Variants in SPATS1 observed in about 807,000 individuals in gnomAD.
SPATS1 encodes the protein spermatogenesis-associated serine-rich protein 1.
A neutral mutation model predicts 33.6 loss-of-function variants in SPATS1; 23 were observed. The ratio of observed to expected loss-of-function variants is 0.68; its 90% CI spans 0.49 to 0.97. The LOEUF (loss-of-function observed/expected upper bound fraction) is 0.97. Among genes scored for constraint, SPATS1 ranks in the 50% least tolerant of loss-of-function variants. The pLI, the probability that SPATS1 is intolerant of heterozygous loss-of-function variation, is 0.00. For synonymous variants in SPATS1, 131 were observed against 125.6 expected (o/e 1.04, Z -0.29); for missense variants, 327 against 361.0 (o/e 0.91, Z 0.76).
chr6:44,354,044 A>C (rs1055300529), intron 3 of SPATS1, among the ~76,000 whole-genome samples: 10 of 150,110 alleles, frequency 6.7e-5, no homozygotes, highest in African/African-American at 2.4e-4. Flanking sequence ...CCTCAAAAAA[A>C]AAAAAAAAAC....
chr6:44,360,289 C>T (rs1245765843), intron 3 of SPATS1, among the ~76,000 whole-genome samples, 157 bp from the exon 4 acceptor site: 1 of 152,192 alleles, frequency 6.6e-6, no homozygotes, highest in East Asian at 1.9e-4. Context: ...GTTTCAGTCC[C>T]CTCAAATTAT....
At chr6:44,368,589 G>T in intron 6 of SPATS1, 90 bp downstream of exon 6, 4 of 1,256,854 alleles carry the variant, frequency 3.2e-6, no homozygotes, top group African/African-American at 1.5e-5. Context: ...AAAAGGGATA[G>T]ATGTCAACAA....
chr6:44,350,441 A>C (rs1291887288), intron 2 of SPATS1, among the ~76,000 whole-genome samples: 1 of 152,230 alleles, frequency 6.6e-6, no homozygotes, highest in Non-Finnish European at 1.5e-5. Context: ...ATTCTAATTC[A>C]ATAGGTCTGC....
At chr6:44,347,683 T>A (rs1216411331) in intron 2 of SPATS1, among the ~76,000 whole-genome samples, 1 of 152,248 alleles carries the variant, frequency 6.6e-6, no homozygotes, top group African/African-American at 2.4e-5. Flanking sequence ...TAATTTTATT[T>A]TTATTCCAAA....
intron 2 of SPATS1, among the ~76,000 whole-genome samples, chr6:44,345,904 G>A (rs77481601): frequency 0.03 from 4,496 of 152,220 alleles, 84 homozygotes; most frequent in Non-Finnish European, 0.044. Context: ...GCAATGATAG[G>A]AATGCCATTC....
At chr6:44,369,114 T>C (rs935315829) in intron 6 of SPATS1, among the ~76,000 whole-genome samples, 39 of 152,156 alleles carry the variant, frequency 2.6e-4, no homozygotes, top group African/African-American at 9.4e-4. Flanking sequence ...GCCAGGATGG[T>C]CTTGATCTCC....
chr6:44,355,061 TC>T (rs1788486044), intron 3 of SPATS1, among the ~76,000 whole-genome samples: 1 of 152,146 alleles, frequency 6.6e-6, no homozygotes, highest in Non-Finnish European at 1.5e-5. Context: ...ACTCAAGTGA[TC>T]CACCTGCTGC....
chr6:44,357,987 G>T (rs1788691203), intron 3 of SPATS1, among the ~76,000 whole-genome samples: 1 of 152,160 alleles, frequency 6.6e-6, no homozygotes, highest in Admixed American at 6.6e-5. Context: ...TCTGCAATTG[G>T]CAGAAAGGAA....
intron 2 of SPATS1, among the ~76,000 whole-genome samples, chr6:44,344,052 G>A (rs1193239391): frequency 6.6e-6 from 1 of 152,196 alleles, no homozygotes; most frequent in African/African-American, 2.4e-5. Flanking sequence ...AGAGAAGGAG[G>A]AGCTGGAGGA....
rs1231956924 is a variant in SPATS1 at position 44,377,285 on chromosome 6, CATT to C, written c.*223_*225del. ...TGCATATCCTTCACATAGATTCTAT[CATT>C]GTTAATATTTGTTCAAACTTTCTCT... On this transcript the variant is annotated 3_prime_UTR_variant, in exon 9 of 9. Coordinates refer to ENST00000674044, the MANE Select transcript of SPATS1 (RefSeq NM_001372081.1). 2 of 589,282 alleles carry C rather than the reference CATT, an allele frequency of 3.4e-6. No individual in the cohort carries two copies. The highest frequency in any genetic ancestry group is 6.0e-6 in the Non-Finnish European group (2 of 331,342). The allele number at this position is 589,282 out of a possible 1,614,324, so 36.5% of individuals were successfully genotyped here.
chr6:44,342,811 G>T, intron 1 of SPATS1, 43 bp downstream of exon 1: 1 of 830,074 alleles, frequency 1.2e-6, no homozygotes, highest in Non-Finnish European at 1.8e-6. Context: ...CTCCCCTGGG[G>T]AAGGGGGTGG....
intron 5 of SPATS1, among the ~76,000 whole-genome samples, chr6:44,364,334 C>G (rs1178560229): frequency 1.3e-5 from 2 of 152,168 alleles, no homozygotes; most frequent in Non-Finnish European, 2.9e-5. Flanking sequence ...GATCAGGATC[C>G]AAGTAAGGCC....
intron 5 of SPATS1, among the ~76,000 whole-genome samples, chr6:44,366,247 C>A (rs2153368808): frequency 6.6e-6 from 1 of 152,128 alleles, no homozygotes; most frequent in Non-Finnish European, 1.5e-5. Context: ...GCCTCAGCCT[C>A]CTGAGTAGCT....
chr6:44,360,492 C>G lies in SPATS1; in HGVS notation c.334C>G (p.His112Asp), dbSNP rs1788849752. 4.3e-6 allele frequency: 7 copies of G among 1,614,054 alleles called. No individual in the cohort carries two copies. Among genetic ancestry groups the G allele is most frequent in the Non-Finnish European group, 4.2e-6 (5 of 1,180,036 alleles). Residue 112 changes from histidine to aspartate, a missense_variant, in exon 4 of 9, where the codon CAC becomes GAC. By Grantham distance (81) the His-to-Asp change is moderately conservative (BLOSUM62 -1). Coordinates refer to ENST00000674044, the MANE Select transcript of SPATS1 (RefSeq NM_001372081.1). ...DRKLSFSHSD[H>D]SSEMSLPEVQ... ...GAAACTCTCCTTCTCACATTCTGATCACTCCTCTGAAATGTCGTTGCCTGA... is the reference window on the plus strand; with the variant it reads ...GAAACTCTCCTTCTCACATTCTGATGACTCCTCTGAAATGTCGTTGCCTGA...
At chr6:44,353,288 G>A (rs553351601) in intron 3 of SPATS1, among the ~76,000 whole-genome samples, 20 of 152,258 alleles carry the variant, frequency 1.3e-4, no homozygotes, top group African/African-American at 3.4e-4. Flanking sequence ...AATGATTATC[G>A]TAAGAGTCAC....
intron 5 of SPATS1, among the ~76,000 whole-genome samples, chr6:44,362,329 C>T (rs1788970813): frequency 6.6e-6 from 1 of 152,180 alleles, no homozygotes; most frequent in African/African-American, 2.4e-5. Flanking sequence ...TTAGATGCTG[C>T]CTGGCATACA....
chr6:44,369,529 G>A (rs569923999), intron 6 of SPATS1, among the ~76,000 whole-genome samples: 7 of 150,908 alleles, frequency 4.6e-5, no homozygotes, highest in East Asian at 4.0e-4. Flanking sequence ...TAGCCTGGGC[G>A]ACAGAGTTAA....
intron 7 of SPATS1, among the ~76,000 whole-genome samples, chr6:44,374,243 T>C (rs6918742): frequency 0.67 from 101,697 of 152,128 alleles, 35,192 homozygotes; most frequent in Middle Eastern, 0.79. Context: ...AGATTGACTT[T>C]ATTGGTTATA....
chr6:44,368,109 C>T (rs935700336), intron 5 of SPATS1, among the ~76,000 whole-genome samples: 1 of 152,190 alleles, frequency 6.6e-6, no homozygotes, highest in African/African-American at 2.4e-5. Flanking sequence ...ACCTCTGATT[C>T]ACCTTATATT....
Sources: gnomAD v4.1 joint callset for allele counts (sites outside exome capture counted in the v4.1 genomes callset) on GRCh38, gnomAD v4.1.1 for gene constraint, MANE v1.5 for transcripts, NCBI Gene and HGNC (gene_info 2026-07-23, HGNC 2026-07-21) for gene names.